The following ANK1 variants were observed in gnomAD, a reference collection of about 807,000 sequenced individuals.
ANK1 encodes ankyrin 1.
ANK1 carries 51 observed loss-of-function variants against 210.4 expected under a neutral mutation model. The observed-to-expected ratio is 0.24, with a 90% CI of 0.19 to 0.31. The LOEUF is 0.31. Among genes scored for constraint, ANK1 ranks in the 10% least tolerant of loss-of-function variants. The probability of loss-of-function intolerance (pLI) is 1.00; values close to 1 mark genes in which losing one functional copy is unlikely to be tolerated. For missense variants in ANK1, 2,051 were observed against 2,504.4 expected (o/e 0.82, Z 3.86); for synonymous variants, 967 against 1,025.9 (o/e 0.94, Z 1.10).
intron 1 of ANK1, among the ~76,000 whole-genome samples, chr8:41,891,006 T>TGTGTA (rs1819339230): frequency 3.3e-5 from 5 of 152,222 alleles, no homozygotes; most frequent in Admixed American, 6.5e-5. Flanking sequence ...AAACAAGAAC[T>TGTGTA]TCTGCATGTG....
At chr8:41,757,460 A>T (rs1474860526) in intron 2 of ANK1, among the ~76,000 whole-genome samples, 1 of 152,132 alleles carries the variant, frequency 6.6e-6, no homozygotes, top group Non-Finnish European at 1.5e-5. Context: ...TCTGCCCTCC[A>T]ACCCAACCCA....
rs75708646 is a variant in ANK1 at position 41,810,848 on chromosome 8, AG to A, written c.127-52712del. On this transcript the variant is annotated intron_variant, in intron 1 of 42. Coordinates refer to the ANK1 transcript ENST00000265709. ...GGAATTCGGAGGCCAGGGTGTTTTA[AG>A]GGTACTTTGGCAGGCAGAGGCTGGG... 1.1e-3 allele frequency among the ~76,000 whole-genome samples: 163 copies of A among 152,342 alleles called. 2 individuals carry two copies. The East Asian group carries it at 0.029, about 27-fold the overall frequency.
intron 1 of ANK1, among the ~76,000 whole-genome samples, chr8:41,772,453 G>A (rs116898928): frequency 0.045 from 6,821 of 152,016 alleles, 230 homozygotes; most frequent in Middle Eastern, 0.078. Context: ...ATTTCTTCTC[G>A]ACTAAAGCTT....
intron 1 of ANK1, among the ~76,000 whole-genome samples, chr8:41,763,889 CTTTTTTT>C (rs869100297): frequency 2.4e-4 from 14 of 57,818 alleles, no homozygotes; most frequent in African/African-American, 4.2e-4. Context: ...TTCTTTTTTT[CTTTTTTT>C]TTTTTTTTTT....
chr8:41,784,788 G>GT (rs1563762756), intron 1 of ANK1, among the ~76,000 whole-genome samples: 1 of 152,228 alleles, frequency 6.6e-6, no homozygotes, highest in African/African-American at 2.4e-5. Flanking sequence ...TTTTGAGGTG[G>GT]TTTTGTTTTT....
chr8:41,760,672 T>C (rs960952475), intron 1 of ANK1, among the ~76,000 whole-genome samples: 8 of 152,244 alleles, frequency 5.3e-5, no homozygotes, highest in Non-Finnish European at 1.2e-4. Flanking sequence ...GGCTTCTATT[T>C]CCTTATTTGT....
chr8:41,836,657 C>T (rs1240758644), intron 1 of ANK1, among the ~76,000 whole-genome samples: 1 of 152,142 alleles, frequency 6.6e-6, no homozygotes, highest in African/African-American at 2.4e-5. Flanking sequence ...GATGCAGTGG[C>T]TCACACCTGT....
intron 1 of ANK1, among the ~76,000 whole-genome samples, chr8:41,855,248 A>G (rs982231660): frequency 6.6e-6 from 1 of 152,206 alleles, no homozygotes; most frequent in Non-Finnish European, 1.5e-5. Context: ...ATAGGACACA[A>G]AAATGTTATG....
intron 24 of ANK1, among the ~76,000 whole-genome samples, chr8:41,696,977 C>T (rs879440481): frequency 3.3e-5 from 5 of 152,182 alleles, no homozygotes; most frequent in Admixed American, 1.3e-4. Context: ...ACCTCCATGC[C>T]TCTCCTTGGC....
intron 38 of ANK1, among the ~76,000 whole-genome samples, chr8:41,668,892 T>A (rs1439945842): frequency 1.3e-5 from 2 of 152,004 alleles, no homozygotes; most frequent in African/African-American, 4.8e-5. Context: ...GCCTCCACAC[T>A]CTCATCCCAC....
chr8:41,662,902 C>T (rs1338855662), intron 40 of ANK1, among the ~76,000 whole-genome samples: 1 of 152,056 alleles, frequency 6.6e-6, no homozygotes, highest in African/African-American at 2.4e-5. Flanking sequence ...CAATCCAATG[C>T]ATTTTCACTT....
intron 1 of ANK1, among the ~76,000 whole-genome samples, chr8:41,840,679 C>T (rs1808725226): frequency 1.3e-5 from 2 of 152,252 alleles, no homozygotes; most frequent in South Asian, 2.1e-4. Flanking sequence ...GCTCTACCCT[C>T]ATGGCTCAAT....
chr8:41,896,371 C>T (rs1396703155), exon 1 of ANK1: 1 of 1,598,636 alleles, frequency 6.3e-7, no homozygotes, highest in Non-Finnish European at 8.5e-7. Flanking sequence ...CTTTCGGTCA[C>T]GGGAGCGGTT....
At chr8:41,862,827 T>G (rs1482715903) in intron 1 of ANK1, among the ~76,000 whole-genome samples, 1 of 150,078 alleles carries the variant, frequency 6.7e-6, no homozygotes, top group Non-Finnish European at 1.5e-5. Context: ...CTGGGCAACA[T>G]GGCAAGACCC....
intron 1 of ANK1, among the ~76,000 whole-genome samples, chr8:41,850,988 A>T (rs1382116947): frequency 1.3e-5 from 2 of 152,168 alleles, no homozygotes; most frequent in East Asian, 3.8e-4. Context: ...TGGTAAAGAG[A>T]AGACTGGTTG....
chr8:41,714,390 G>A (rs1459532130), intron 15 of ANK1, 136 bp from the exon 16 acceptor site: 2 of 652,820 alleles, frequency 3.1e-6, no homozygotes, highest in East Asian at 3.0e-5. Context: ...TCTTAACTTG[G>A]AGTCATGACA....
intron 40 of ANK1, among the ~76,000 whole-genome samples, chr8:41,662,273 G>C (rs552230610): frequency 6.6e-6 from 1 of 151,904 alleles, no homozygotes; most frequent in Non-Finnish European, 1.5e-5. Context: ...AAAAAGGCGG[G>C]GGGGCTGGTC....
At chr8:41,739,600 A>T (rs1563625559) in intron 2 of ANK1, among the ~76,000 whole-genome samples, 2 of 146,792 alleles carry the variant, frequency 1.4e-5, no homozygotes, top group Non-Finnish European at 1.5e-5. Flanking sequence ...GTAGAGACTG[A>T]GGTAAATAGT....
intron 27 of ANK1, among the ~76,000 whole-genome samples, 176 bp downstream of exon 27, chr8:41,695,001 A>G (rs1002471102): frequency 1.3e-5 from 2 of 152,206 alleles, no homozygotes; most frequent in Non-Finnish European, 1.5e-5. Flanking sequence ...GGCTGCAGGC[A>G]GCCGCTGAGC....
Sources: gnomAD v4.1 joint callset for allele counts (sites outside exome capture counted in the v4.1 genomes callset) on GRCh38, gnomAD v4.1.1 for gene constraint, MANE v1.5 for transcripts, NCBI Gene and HGNC (gene_info 2026-07-23, HGNC 2026-07-21) for gene names.